PAK2: variants seen among roughly 807,000 people sequenced by gnomAD.
PAK2 encodes the protein p21 (RAC1) activated kinase 2.
In PAK2, 21 loss-of-function variants were observed where a neutral mutation model predicts 65.9. The observed-to-expected ratio is 0.32, with a 90% CI of 0.23 to 0.46. The LOEUF (loss-of-function observed/expected upper bound fraction) is 0.46. Ranked by LOEUF, PAK2 falls within the 20% of genes least tolerant of loss-of-function variation. The pLI, the probability that PAK2 is intolerant of heterozygous loss-of-function variation, is 1.00. For synonymous variants in PAK2, 204 were observed against 219.7 expected (o/e 0.93, Z 0.63); for missense variants, 324 against 642.6 (o/e 0.50, Z 5.36).
At chr3:196,742,261 T>C (rs1713222721) in intron 1 of PAK2, among the ~76,000 whole-genome samples, 1 of 152,084 alleles carries the variant, frequency 6.6e-6, no homozygotes, top group Non-Finnish European at 1.5e-5. Flanking sequence ...GCTAATTTTG[T>C]ATTTTTAGTA....
intron 1 of PAK2, among the ~76,000 whole-genome samples, chr3:196,751,696 A>ATATATATATATATATAAAATTACC (rs1713603033): frequency 1.4e-5 from 1 of 72,652 alleles, no homozygotes; most frequent in Non-Finnish European, 2.5e-5. Flanking sequence ...TATATATATA[A>ATATATATATATATATAAAATTACC]TTCAGGCTAT....
chr3:196,778,915 C>T lies in PAK2; in HGVS notation c.-21-3711C>T, dbSNP rs542630507. Among the ~76,000 whole-genome samples, 10 of 152,300 alleles carry T rather than the reference C, an allele frequency of 6.6e-5. No homozygotes were observed. In the East Asian group the frequency reaches 1.5e-3, roughly 23 times the overall value. ...AAGAATACCACAGAGGTGAAGTGTG[C>T]GTCCCATCACATTAGATTAGGGGAT... is the stretch of plus-strand genomic sequence containing the variant. On this transcript the variant is annotated intron_variant, in intron 1 of 14. Transcript: ENST00000327134.
chr3:196,764,921 C>G (rs1301089323), intron 1 of PAK2, among the ~76,000 whole-genome samples: 1 of 147,450 alleles, frequency 6.8e-6, no homozygotes, highest in East Asian at 2.0e-4. Context: ...CGGCTCACTG[C>G]AAATTCCGCC....
intron 1 of PAK2, among the ~76,000 whole-genome samples, chr3:196,747,537 C>T (rs997046035): frequency 2.0e-5 from 3 of 152,072 alleles, no homozygotes; most frequent in Non-Finnish European, 2.9e-5. Context: ...TTGTTGTCAG[C>T]TTCTATAATC....
At chr3:196,812,163 T>C in intron 8 of PAK2, 56 bp from the exon 9 acceptor site, 1 of 945,126 alleles carries the variant, frequency 1.1e-6, no homozygotes, top group Non-Finnish European at 1.8e-6. Flanking sequence ...CTTTGGATAT[T>C]GCAAATGCTA....
intron 1 of PAK2, among the ~76,000 whole-genome samples, chr3:196,743,948 A>G (rs1368541520): frequency 6.6e-6 from 1 of 152,220 alleles, no homozygotes; most frequent in Non-Finnish European, 1.5e-5. Context: ...GACCGTAACT[A>G]AAAATAAAAA....
intron 1 of PAK2, among the ~76,000 whole-genome samples, chr3:196,765,331 G>C (rs1714127853): frequency 6.6e-6 from 1 of 151,890 alleles, no homozygotes; most frequent in African/African-American, 2.4e-5. Flanking sequence ...TGCATTTTTA[G>C]TAGAGACGGG....
Position 196,808,622 on chromosome 3 carries a change from T to A in PAK2, c.709+708T>A, listed in dbSNP as rs559622975. On this transcript the variant is annotated intron_variant, in intron 7 of 14. Transcript: ENST00000327134. The stretch of plus-strand genomic sequence containing the variant: ...GCTCATGCCTATAATCCCAGCACTT[T>A]GGGAGACCAAGGTGGGTGGATCACT... Among the ~76,000 whole-genome samples the A allele has an allele frequency of 2.0e-5, 3 of 148,232 alleles. No homozygotes were observed. In the South Asian group the frequency reaches 6.4e-4, roughly 31 times the overall value.
chr3:196,822,354 C>T (rs1331499190), intron 13 of PAK2, among the ~76,000 whole-genome samples: 1 of 152,150 alleles, frequency 6.6e-6, no homozygotes, highest in Non-Finnish European at 1.5e-5. Context: ...CTCTTGAGTA[C>T]TGAGACTGGC....
chr3:196,775,179 T>C (rs1714494954), intron 1 of PAK2, among the ~76,000 whole-genome samples: 1 of 152,144 alleles, frequency 6.6e-6, no homozygotes. Context: ...AAATTAGGGT[T>C]TTGTTCAGGC....
intron 1 of PAK2, among the ~76,000 whole-genome samples, chr3:196,762,659 A>C (rs1029827187): frequency 2.2e-4 from 34 of 151,406 alleles, no homozygotes; most frequent in Admixed American, 2.2e-3. Flanking sequence ...TCGGCTCCGC[A>C]TGAGAGGGAG....
At chr3:196,825,367 G>A (rs1282284387) in intron 13 of PAK2, among the ~76,000 whole-genome samples, 2 of 149,228 alleles carry the variant, frequency 1.3e-5, no homozygotes, top group African/African-American at 5.0e-5. Context: ...AAATAGGCCA[G>A]ATGCAGTGGC....
intron 13 of PAK2, among the ~76,000 whole-genome samples, chr3:196,824,721 C>G (rs965255109): frequency 6.6e-6 from 1 of 151,874 alleles, no homozygotes; most frequent in East Asian, 1.9e-4. Context: ...TGGTGCACAC[C>G]TGTAGTCCCT....
At chr3:196,769,563 G>A (rs1256677399) in intron 1 of PAK2, among the ~76,000 whole-genome samples, 1 of 151,776 alleles carries the variant, frequency 6.6e-6, no homozygotes, top group Non-Finnish European at 1.5e-5. Flanking sequence ...TGTAATCCCA[G>A]CGCTTTGGGA....
chr3:196,815,399 G>A (rs1461188361), intron 11 of PAK2, among the ~76,000 whole-genome samples: 1 of 151,658 alleles, frequency 6.6e-6, no homozygotes, highest in African/African-American at 2.4e-5. Context: ...GGCTGAGGCG[G>A]GAGAATCGCT....
At chr3:196,758,583 G>A (rs1279643658) in intron 1 of PAK2, among the ~76,000 whole-genome samples, 1 of 152,224 alleles carries the variant, frequency 6.6e-6, no homozygotes, top group Non-Finnish European at 1.5e-5. Context: ...ACGCACTGTT[G>A]GGCTTTACCT....
At chr3:196,792,922 C>A (rs1183082348) in intron 2 of PAK2, among the ~76,000 whole-genome samples, 4 of 152,100 alleles carry the variant, frequency 2.6e-5, no homozygotes, top group African/African-American at 9.7e-5. Flanking sequence ...TGGCACCTGA[C>A]TCAGCAGGAC....
intron 1 of PAK2, among the ~76,000 whole-genome samples, chr3:196,769,613 T>C (rs1475170825): frequency 5.3e-5 from 8 of 149,880 alleles, no homozygotes; most frequent in East Asian, 4.0e-4. Flanking sequence ...AGATCGAGAC[T>C]GTCCTGGCTA....
At chr3:196,781,359 T>C (rs1415377300) in intron 1 of PAK2, among the ~76,000 whole-genome samples, 1 of 152,212 alleles carries the variant, frequency 6.6e-6, no homozygotes, top group Non-Finnish European at 1.5e-5. Flanking sequence ...TTACTGCTGA[T>C]TTCAAGTATG....
Sources: allele counts gnomAD v4.1 joint callset (sites outside exome capture counted in the v4.1 genomes callset), GRCh38; gene constraint gnomAD v4.1.1; transcripts MANE v1.5; gene names NCBI Gene and HGNC (gene_info 2026-07-23, HGNC 2026-07-21).